Variants in MFAP3 observed in about 807,000 individuals in gnomAD.
MFAP3 encodes the protein microfibril associated protein 3.
A neutral mutation model predicts 20.5 loss-of-function variants in MFAP3; 8 were observed. That is an observed-to-expected ratio of 0.39 (90% confidence interval 0.23 to 0.70). MFAP3 has a LOEUF of 0.70. Among genes scored for constraint, MFAP3 ranks in the 30% least tolerant of loss-of-function variants. The probability of loss-of-function intolerance (pLI) is 0.44; values close to 1 mark genes in which losing one functional copy is unlikely to be tolerated. For synonymous variants in MFAP3, 140 were observed against 154.0 expected (o/e 0.91, Z 0.67); for missense variants, 398 against 444.6 (o/e 0.90, Z 0.94).
At position 154,053,402 on chromosome 5, in the gene MFAP3, C is replaced by T. The variant is rs1271247189; in HGVS notation, c.778C>T (p.Arg260Ter). ...AFVEEMFEAV[R>*]VDDPDDLGER... ...TGTTGAGGAGATGTTTGAGGCTGTG[C>T]GAGTGGACGACCCTGATGACCTGGG... The change falls in exon 3 of 3, where the codon CGA (arginine) becomes TGA (stop). Residue 260 changes from arginine (R) to a stop codon, truncating the protein, a stop_gained. Transcript: ENST00000522782. LOFTEE classifies it high-confidence loss of function. 5.0e-6 allele frequency: 8 copies of T among 1,613,786 alleles called. No individual in the cohort carries two copies. Among genetic ancestry groups the T allele is most frequent in the Admixed American group, 1.7e-5 (1 of 59,952 alleles).
rs532984865 is a variant in MFAP3, at chr5:154,050,028, A to G, written c.295+11A>G. ...ATGGCAGAAGCAGAGGTAATTGGTC[A>G]GGGTATAATTAATCAAGGTTACTCA... On this transcript the variant is annotated intron_variant, in intron 2 of 2. Transcript: ENST00000522782. 32 of 1,577,826 alleles carry G rather than the reference A, an allele frequency of 2.0e-5. No individual in the cohort carries two copies. The African/African-American group carries it at 3.8e-4, about 19-fold the overall frequency.
In MFAP3 at chr5:154,056,422, A is replaced by C. The variant is rs184810280; in HGVS notation, c.*2709A>C. 6.6e-6 allele frequency among the ~76,000 whole-genome samples: 1 copy of C among 152,210 alleles called. No homozygotes were observed. On this transcript the variant is annotated 3_prime_UTR_variant, in exon 3 of 3. Transcript: ENST00000522782. ...TTCTGTATCTAATCAAATACTCTTC[A>C]TATATAATTAAGCCTCATGTTATCT...
At chr5:154,052,358 T>C (rs1773211161) in intron 2 of MFAP3, among the ~76,000 whole-genome samples, 1 of 151,932 alleles carries the variant, frequency 6.6e-6, no homozygotes, top group Non-Finnish European at 1.5e-5. Context: ...ATTAGGCAGT[T>C]ACTTCAACAA....
rs985097030 is a variant in MFAP3 at position 154,055,481 on chromosome 5, A to G, written c.*1768A>G. On this transcript the variant is annotated 3_prime_UTR_variant, in exon 3 of 3. Transcript: ENST00000522782. ...TCTAGAGCCAAATAAAAGCTAACCA[A>G]TCATTTAGCCAAAGCTTGCCTTGGC... 3.7e-4 allele frequency among the ~76,000 whole-genome samples: 57 copies of G among 152,198 alleles called. No homozygotes were observed. Among genetic ancestry groups the G allele is most frequent in the African/African-American group, 1.2e-3 (50 of 41,568 alleles).
chr5:154,053,195 GA>G lies in MFAP3; in HGVS notation c.573del (p.Ala193LeufsTer54). 1 of 1,613,946 alleles carries G rather than the reference GA, an allele frequency of 6.2e-7. No homozygotes were observed. Among genetic ancestry groups the G allele is most frequent in the Non-Finnish European group, 8.5e-7 (1 of 1,179,906 alleles). On this transcript the variant is annotated frameshift_variant, in exon 3 of 3. Transcript: ENST00000522782. LOFTEE classifies it high-confidence loss of function. Reference sequence around the variant, plus strand: ...GGCTATCAATGAGTTCTTTAGAACTGAAGGGGCTGAGAAACTTCAGAAGGCC... The same window carrying G: ...GGCTATCAATGAGTTCTTTAGAACTGAGGGGCTGAGAAACTTCAGAAGGCC... ...EKAINEFFRTEGAEKLQKAFE... is the reference protein window; with the variant it reads ...EKAINEFFRTXGAEKLQKAFE...
intron 1 of MFAP3, among the ~76,000 whole-genome samples, chr5:154,043,568 A>G (rs1773010824): frequency 6.6e-6 from 1 of 151,966 alleles, no homozygotes; most frequent in Admixed American, 6.6e-5. Context: ...ACACACACAC[A>G]AAAAGGAAAG....
chr5:154,054,516 A>G lies in MFAP3; in HGVS notation c.*803A>G. 6.0e-6 allele frequency: 1 copy of G among 167,012 alleles called. No homozygotes were observed. Among genetic ancestry groups the G allele is most frequent in the East Asian group, 1.9e-4 (1 of 5,200 alleles). 10.3% of individuals were successfully genotyped at this position (167,012 alleles called of 1,614,324 possible). ...GCCTAACTGATCTTCCAAAGTGAGC[A>G]GTTTATTTCTAAGGTATAACGTCTT... On this transcript the variant is annotated 3_prime_UTR_variant, in exon 3 of 3. Transcript: ENST00000522782.
At position 154,055,711 on chromosome 5, in the gene MFAP3, T is replaced by C. The variant is rs962235557; in HGVS notation, c.*1998T>C. 9.9e-5 allele frequency among the ~76,000 whole-genome samples: 15 copies of C among 152,132 alleles called. No individual in the cohort carries two copies. Among genetic ancestry groups the C allele is most frequent in the African/African-American group, 3.4e-4 (14 of 41,418 alleles). On this transcript the variant is annotated 3_prime_UTR_variant, in exon 3 of 3. Coordinates refer to ENST00000522782, the MANE Select transcript of MFAP3 (RefSeq NM_005927.5). ...GCCTCCAACTCCTGGGGTCAAGCGA[T>C]CGTCCTGCTTCAGCCTCCCAAGCAG...
intron 1 of MFAP3, among the ~76,000 whole-genome samples, chr5:154,045,754 A>G (rs1164781297): frequency 6.6e-6 from 1 of 152,194 alleles, no homozygotes; most frequent in Non-Finnish European, 1.5e-5. Context: ...GGCTGGTTAG[A>G]GTCACAGATC....
At chr5:154,052,887 A>G (rs779739551) in intron 2 of MFAP3, 33 bp from the exon 3 acceptor site, 11 of 1,498,928 alleles carry the variant, frequency 7.3e-6, no homozygotes, top group African/African-American at 1.8e-5. Flanking sequence ...TCTTTTTGCT[A>G]TAATTTTTTT....
rs892932839 is a variant in MFAP3 at position 154,038,997 on chromosome 5, C to G, written c.-181C>G. The G allele has an allele frequency of 2.0e-5, 3 of 152,596 alleles. No individual in the cohort carries two copies. The highest frequency in any genetic ancestry group is 2.0e-4 in the Admixed American group (3 of 15,314). 9.5% of individuals were successfully genotyped at this position (152,596 alleles called of 1,614,324 possible). ...AAGCCGCCGCTGAGGCCGGAAGGAG[C>G]TAGACGGCGGTCGGGTAGGTGACGG... On this transcript the variant is annotated 5_prime_UTR_variant, in exon 1 of 3. Transcript: ENST00000522782.
intron 1 of MFAP3, among the ~76,000 whole-genome samples, chr5:154,047,228 G>C (rs1773086291): frequency 6.6e-6 from 1 of 152,068 alleles, no homozygotes; most frequent in East Asian, 1.9e-4. Context: ...TCCCCATGTT[G>C]GGTCCTCCTG....
chr5:154,044,602 G>A (rs1376434059), intron 1 of MFAP3, among the ~76,000 whole-genome samples: 1 of 152,142 alleles, frequency 6.6e-6, no homozygotes, highest in Admixed American at 6.5e-5. Context: ...GGTTTCTTCT[G>A]CCATGTTTGG....
At chr5:154,045,470 C>T (rs1467091659) in intron 1 of MFAP3, among the ~76,000 whole-genome samples, 1 of 152,100 alleles carries the variant, frequency 6.6e-6, no homozygotes, top group Non-Finnish European at 1.5e-5. Flanking sequence ...GTCCCCTTCC[C>T]CCCAACCCCC....
rs139034719 is a variant in MFAP3 at position 154,043,661 on chromosome 5, G to A, written c.-167+4650G>A. Among the ~76,000 whole-genome samples, 28 of 151,940 alleles carry A rather than the reference G, an allele frequency of 1.8e-4. No individual in the cohort carries two copies. The East Asian group carries it at 5.2e-3, about 28-fold the overall frequency. On this transcript the variant is annotated intron_variant, in intron 1 of 2. Coordinates refer to ENST00000522782, the MANE Select transcript of MFAP3 (RefSeq NM_005927.5). ...CTGATAAGAAGAAGGTGACACTTTGGTTTTCCTTTTTGAAATCTGTTCTTG... is the reference window on the plus strand; with the variant it reads ...CTGATAAGAAGAAGGTGACACTTTGATTTTCCTTTTTGAAATCTGTTCTTG...
At chr5:154,039,609 G>A (rs1346232330) in intron 1 of MFAP3, among the ~76,000 whole-genome samples, 1 of 152,144 alleles carries the variant, frequency 6.6e-6, no homozygotes, top group Non-Finnish European at 1.5e-5. Context: ...AACCATTGAA[G>A]GTTTCTAAGC....
intron 2 of MFAP3, 124 bp from the exon 3 acceptor site, chr5:154,052,796 G>GTA: frequency 1.2e-6 from 1 of 817,248 alleles, no homozygotes; most frequent in Non-Finnish European, 1.9e-6. Context: ...TAAACAAATG[G>GTA]TAGAATCTAA....
intron 1 of MFAP3, among the ~76,000 whole-genome samples, chr5:154,045,562 A>T (rs1335384461): frequency 6.6e-6 from 1 of 152,190 alleles, no homozygotes; most frequent in African/African-American, 2.4e-5. Flanking sequence ...TCAATATCTG[A>T]AAGAACCATG....
At chr5:154,044,771 A>G (rs865847070) in intron 1 of MFAP3, among the ~76,000 whole-genome samples, 3 of 152,328 alleles carry the variant, frequency 2.0e-5, no homozygotes, top group African/African-American at 2.4e-5. Context: ...CTAGAGATCT[A>G]TGATGAAGAT....
Sources: allele counts gnomAD v4.1 joint callset (sites outside exome capture counted in the v4.1 genomes callset), GRCh38; gene constraint gnomAD v4.1.1; transcripts MANE v1.5; gene names NCBI Gene and HGNC (gene_info 2026-07-23, HGNC 2026-07-21).